FERMT1: variants seen among roughly 807,000 people sequenced by gnomAD.
The protein encoded by FERMT1 is FERM domain containing kindlin 1.
FERMT1 carries 60 observed loss-of-function variants against 85.3 expected under a neutral mutation model. The observed-to-expected ratio is 0.70, with a 90% CI of 0.57 to 0.87. The LOEUF (loss-of-function observed/expected upper bound fraction) is 0.87. FERMT1 is among the 40% of genes least tolerant of loss of function. FERMT1 has a pLI of 0.00. For synonymous variants in FERMT1, 275 were observed against 301.1 expected (o/e 0.91, Z 0.90); for missense variants, 701 against 818.9 (o/e 0.86, Z 1.76).
intron 9 of FERMT1, among the ~76,000 whole-genome samples, chr20:6,090,636 C>T (rs970904495): frequency 2.6e-5 from 4 of 151,890 alleles, no homozygotes; most frequent in Non-Finnish European, 4.4e-5. Context: ...TCTATAGTCC[C>T]AGCTATGTGG....
intron 9 of FERMT1, 63 bp from the exon 10 acceptor site, chr20:6,089,152 T>C (rs1600431031): frequency 6.5e-7 from 1 of 1,535,376 alleles, no homozygotes; most frequent in Non-Finnish European, 9.0e-7. Flanking sequence ...ACGCTGCAGA[T>C]TTCAAGCAGA....
intron 12 of FERMT1, among the ~76,000 whole-genome samples, chr20:6,084,454 A>G (rs1982104399): frequency 6.6e-6 from 1 of 152,174 alleles, no homozygotes. Context: ...CAATGATTCT[A>G]CATGAATCAG....
intron 14 of FERMT1, among the ~76,000 whole-genome samples, chr20:6,077,688 AT>A (rs989721334): frequency 1.8e-4 from 27 of 148,504 alleles, no homozygotes; most frequent in South Asian, 1.7e-3. Context: ...TTTTATTTTT[AT>A]TTTTTTTTTG....
chr20:6,118,747 A>G (rs1211202431), intron 2 of FERMT1, among the ~76,000 whole-genome samples: 1 of 152,188 alleles, frequency 6.6e-6, no homozygotes, highest in Non-Finnish European at 1.5e-5. Context: ...GGAGCATAGT[A>G]AACGGTGGAT....
In FERMT1 at chr20:6,112,627, GAAAT is replaced by G. The variant is rs1453657636; in HGVS notation, c.386-8_386-5del. The G allele has an allele frequency of 2.0e-6, 3 of 1,519,894 alleles. No homozygotes were observed. Among genetic ancestry groups the G allele is most frequent in the African/African-American group, 1.4e-5 (1 of 71,472 alleles). The allele number at this position is 1,519,894 out of a possible 1,614,324, so 94.2% of individuals were successfully genotyped here. On this transcript the variant is annotated splice_region_variant and splice_polypyrimidine_tract_variant and intron_variant, in intron 3 of 14. Coordinates refer to ENST00000217289, the MANE Select transcript of FERMT1 (RefSeq NM_017671.5). ...AGCTCTTCTGATCTTCTAATATCTA[GAAAT>G]AAATATTTTTTAAAAATGAAGAAAA...
intron 14 of FERMT1, among the ~76,000 whole-genome samples, chr20:6,079,188 T>G (rs746568305): frequency 5.3e-5 from 8 of 152,246 alleles, no homozygotes; most frequent in Non-Finnish European, 7.3e-5. Context: ...TTTCAGAACC[T>G]GTCTGTATTG....
chr20:6,094,887 T>C, intron 9 of FERMT1, 52 bp downstream of exon 9: 1 of 1,025,262 alleles, frequency 9.8e-7, no homozygotes, highest in Non-Finnish European at 1.6e-6. Flanking sequence ...GCACTCTTTA[T>C]CTTCAAGACT....
In FERMT1 at chr20:6,077,317, A is replaced by G; in HGVS notation, c.1890T>C (p.Phe630=). 1 of 1,614,218 alleles carries G rather than the reference A, an allele frequency of 6.2e-7. No individual in the cohort carries two copies. ...CTGCACTCAGGCAGGTGAAAGCAGT[A>G]AAGACGTTTTGGTCAAACTCGATGA... The part of the protein sequence containing the change: ...QVVIEFDQNV[F]TAFTCLSADC... Residue 630 remains phenylalanine (F), a synonymous_variant, in exon 15 of 15, where the codon TTT becomes TTC. Coordinates refer to ENST00000217289, the MANE Select transcript of FERMT1 (RefSeq NM_017671.5).
chr20:6,085,775 G>A (rs1357089947), intron 11 of FERMT1, among the ~76,000 whole-genome samples: 2 of 151,922 alleles, frequency 1.3e-5, no homozygotes, highest in Non-Finnish European at 2.9e-5. Context: ...CTTGAACTCA[G>A]GAGATGCAGG....
rs1246354114 is a variant in FERMT1, at chr20:6,075,528, G to A, written c.*1645C>T. ...GGCCTCAGAAATTCAGCGGGTGCCT[G>A]GGAGGCTTCATTCACATTCACCTCT... On this transcript the variant is annotated 3_prime_UTR_variant, in exon 15 of 15. Coordinates refer to ENST00000217289, the MANE Select transcript of FERMT1 (RefSeq NM_017671.5). The A allele has an allele frequency of 6.6e-6, 1 of 152,328 alleles. No homozygotes were observed. The highest frequency in any genetic ancestry group is 1.5e-5 in the Non-Finnish European group (1 of 68,038). 9.4% of individuals were successfully genotyped at this position (152,328 alleles called of 1,614,324 possible).
intron 1 of FERMT1, among the ~76,000 whole-genome samples, chr20:6,120,041 A>G (rs1453698833): frequency 2.0e-5 from 3 of 152,184 alleles, no homozygotes; most frequent in Non-Finnish European, 4.4e-5. Context: ...TGCAAATTAT[A>G]CTTCAATAAA....
intron 4 of FERMT1, 146 bp downstream of exon 4, chr20:6,112,331 C>T: frequency 1.3e-6 from 1 of 787,374 alleles, no homozygotes; most frequent in East Asian, 2.5e-5. Context: ...TCTGTTAATT[C>T]TAAACTTGAC....
At chr20:6,099,391 G>A (rs1982594277) in intron 6 of FERMT1, among the ~76,000 whole-genome samples, 1 of 145,800 alleles carries the variant, frequency 6.9e-6, no homozygotes, top group African/African-American at 2.5e-5. Context: ...GGCAACAAGA[G>A]TGAGACTGTC....
chr20:6,120,310 T>C (rs1413238577), intron 1 of FERMT1: 7 of 152,242 alleles, frequency 4.6e-5, no homozygotes, highest in Non-Finnish European at 8.8e-5. Context: ...TGATTATAAA[T>C]GCACCAATTA....
rs4618122 is a variant in FERMT1, at chr20:6,107,313, C to T, written c.849+219G>A. ...ATGCCACGCTAGGCGCAAAGATCCT[C>T]AGAGACTCCGGCTAATTTGGTAGCA... On this transcript the variant is annotated intron_variant, in intron 6 of 14. Coordinates refer to ENST00000217289, the MANE Select transcript of FERMT1 (RefSeq NM_017671.5). Among the ~76,000 whole-genome samples, 46,129 of 151,968 alleles carry T rather than the reference C, an allele frequency of 0.3. 7,386 individuals are homozygous for T. Among genetic ancestry groups the T allele is most frequent in the East Asian group, 0.54 (2,814 of 5,168 alleles).
rs1983207194 is a variant in FERMT1, at chr20:6,119,515, G to C, written c.40C>G (p.Leu14Val). ...STDFTFASWE[L>V]VVRVDHPNEE... ...TTGGGATGGTCAACGCGGACCACAAGCTCCCAGGAAGCAAATGTAAAGTCA... is the reference window on the plus strand; with the variant it reads ...TTGGGATGGTCAACGCGGACCACAACCTCCCAGGAAGCAAATGTAAAGTCA... The change falls in exon 2 of 15, where the codon CTT (leucine) becomes GTT (valine). Residue 14 changes from leucine to valine, a missense_variant. Transcript: ENST00000217289. 1.2e-6 allele frequency: 2 copies of C among 1,614,180 alleles called. No homozygotes were observed. Among genetic ancestry groups the C allele is most frequent in the South Asian group, 2.2e-5 (2 of 91,076 alleles).
intron 5 of FERMT1, among the ~76,000 whole-genome samples, chr20:6,109,917 A>AAG (rs1555800873): frequency 3.3e-5 from 5 of 151,474 alleles, no homozygotes; most frequent in African/African-American, 9.7e-5. Flanking sequence ...AAAAAAAAAA[A>AAG]AGAGAAGAGT....
At chr20:6,079,231 T>C (rs1054418354) in intron 14 of FERMT1, among the ~76,000 whole-genome samples, 1 of 152,254 alleles carries the variant, frequency 6.6e-6, no homozygotes, top group Admixed American at 6.5e-5. Flanking sequence ...CAACTTGCAG[T>C]GCTAATGCAA....
Position 6,085,209 on chromosome 20 carries a change from G to A in FERMT1, c.1450C>T (p.Pro484Ser), listed in dbSNP as rs1982138377. The A allele has an allele frequency of 5.0e-6, 8 of 1,614,164 alleles. No individual in the cohort carries two copies. Among genetic ancestry groups the A allele is most frequent in the Non-Finnish European group, 5.9e-6 (7 of 1,180,024 alleles). Residue 484 changes from proline (P) to serine (S), a missense_variant, in exon 12 of 15, where the codon CCA (proline) becomes TCA (serine). Physicochemically the swap from Pro to Ser is moderately conservative, Grantham distance 74. Transcript: ENST00000217289. ...GKTMADSSYQ[P>S]EVLNILSFLR... ...AATGAAAGGATGTTGAGGACCTCTGGCTGGTAGGAGCTGTCTGCCATGGTT... is the reference window on the plus strand; with the variant it reads ...AATGAAAGGATGTTGAGGACCTCTGACTGGTAGGAGCTGTCTGCCATGGTT...
Sources: gnomAD v4.1 joint callset for allele counts (sites outside exome capture counted in the v4.1 genomes callset) on GRCh38, gnomAD v4.1.1 for gene constraint, MANE v1.5 for transcripts, NCBI Gene and HGNC (gene_info 2026-07-23, HGNC 2026-07-21) for gene names.